IGF2R: variants seen among roughly 807,000 people sequenced by gnomAD.
IGF2R encodes insulin like growth factor 2 receptor.
IGF2R carries 91 observed loss-of-function variants against 270.6 expected under a neutral mutation model. That is an observed-to-expected ratio of 0.34 (90% CI 0.28 to 0.40). IGF2R has a LOEUF of 0.40. Among genes scored for constraint, IGF2R ranks in the 10% least tolerant of loss-of-function variants. The pLI is 1.00. For synonymous variants in IGF2R, 1,316 were observed against 1,258.9 expected, an observed-to-expected ratio of 1.05 and a Z score of -0.96; for missense variants, 2,805 against 3,188.3, an observed-to-expected ratio of 0.88 and a Z score of 2.90.
In IGF2R at chr6:160,089,962, C is replaced by T. The variant is rs745658177; in HGVS notation, c.6514C>T (p.Leu2172=). The change falls in exon 44 of 48, where the codon CTG becomes TTG. Residue 2172 remains leucine, a synonymous_variant. Coordinates refer to ENST00000356956, the MANE Select transcript of IGF2R (RefSeq NM_000876.4). ...GDMRTNGDNY[L]YEIQLSSITS... Reference sequence around the variant, plus strand: ...CATGAGGACCAATGGGGACAACTACCTGTATGAGATCCAACTTTCCTCCAT... The same window carrying T: ...CATGAGGACCAATGGGGACAACTACTTGTATGAGATCCAACTTTCCTCCAT... The T allele has an allele frequency of 6.2e-7, 1 of 1,607,362 alleles. No individual in the cohort carries two copies. Among genetic ancestry groups the T allele is most frequent in the Admixed American group, 1.7e-5 (1 of 58,760 alleles).
chr6:160,012,764 T>TATATATATATA (rs538085462), intron 4 of IGF2R, among the ~76,000 whole-genome samples: 16 of 60,424 alleles, frequency 2.6e-4, no homozygotes, highest in Non-Finnish European at 5.1e-4. Context: ...TATATATATA[T>TATATATATATA]TTTTTTTTTT....
chr6:160,039,442 G>T (rs1298973607), intron 10 of IGF2R, among the ~76,000 whole-genome samples: 1 of 152,202 alleles, frequency 6.6e-6, no homozygotes, highest in Non-Finnish European at 1.5e-5. Flanking sequence ...CTGTTCTTCT[G>T]CAGCTTGCCT....
rs8191859 is a variant in IGF2R at position 160,064,458 on chromosome 6, G to T, written c.3944G>T (p.Gly1315Val). Residue 1315 changes from glycine (G) to valine (V), a missense_variant, in exon 28 of 48, where the codon GGG (glycine) becomes GTG (valine). Gly to Val is a moderately radical substitution (Grantham distance 109). Transcript: ENST00000356956. ...ENGLLKMNFTGGDTCHKVYQR... is the reference protein window; with the variant it reads ...ENGLLKMNFTVGDTCHKVYQR... ...GGCTTGTTAAAAATGAACTTCACGG[G>T]GGGGGACACTTGCCATAAGGTTTAT... is the stretch of plus-strand genomic sequence containing the variant. 21 of 1,613,958 alleles carry T rather than the reference G, an allele frequency of 1.3e-5. No homozygotes were observed. Among genetic ancestry groups the T allele is most frequent in the South Asian group, 6.6e-5 (6 of 91,082 alleles).
intron 11 of IGF2R, among the ~76,000 whole-genome samples, chr6:160,042,563 G>A (rs565737240): frequency 6.6e-6 from 1 of 152,272 alleles, no homozygotes; most frequent in African/African-American, 2.4e-5. Flanking sequence ...CGTCCTGCAG[G>A]TGCCTAATCA....
chr6:160,050,433 C>A lies in IGF2R; in HGVS notation c.2515-40C>A, dbSNP rs1290732159. ...ACCACCAATAACGAATCGACTGTAT[C>A]TTCAGGGGGAAAAGCCTAACAAGAC... On this transcript the variant is annotated intron_variant, in intron 18 of 47. Transcript: ENST00000356956. The surrounding 1 kb of genome is among the most constrained non-coding windows in gnomAD (Gnocchi z 4.0). The A allele has an allele frequency of 1.9e-6, 3 of 1,576,276 alleles. No individual in the cohort carries two copies. In the South Asian group the frequency reaches 3.4e-5, roughly 18 times the overall value.
intron 1 of IGF2R, among the ~76,000 whole-genome samples, chr6:159,990,723 A>C (rs965862858): frequency 6.6e-6 from 1 of 151,902 alleles, no homozygotes; most frequent in Admixed American, 6.6e-5. Flanking sequence ...TCCGTCTCCC[A>C]GGTTGAAGCA....
At chr6:160,005,670 C>CT (rs1784210147) in intron 2 of IGF2R, 1 of 153,072 alleles carries the variant, frequency 6.5e-6, no homozygotes, top group East Asian at 1.9e-4. Context: ...AGGTTGGGGG[C>CT]TTGGCTTCTG....
intron 17 of IGF2R, 141 bp from the exon 18 acceptor site, chr6:160,048,234 C>A: frequency 1.2e-6 from 1 of 804,754 alleles, no homozygotes; most frequent in Non-Finnish European, 2.1e-6. Flanking sequence ...GCGTCATGCG[C>A]CCAGACAAGC....
intron 4 of IGF2R, among the ~76,000 whole-genome samples, chr6:160,020,742 A>G (rs1777413406): frequency 6.6e-6 from 1 of 152,222 alleles, no homozygotes; most frequent in Admixed American, 6.5e-5. Context: ...GGACAGCCAT[A>G]TGCGGAAGAA....
At position 160,102,103 on chromosome 6, in the gene IGF2R, C is replaced by G. The variant is rs966375988; in HGVS notation, c.6843-416C>G. ...ATGGTGTCTCATGGTGGGCTGCGCT[C>G]ACTGCTTCCAGAAGAAATTCTGAGA... is the stretch of plus-strand genomic sequence containing the variant. On this transcript the variant is annotated intron_variant, in intron 45 of 47. Coordinates refer to ENST00000356956, the MANE Select transcript of IGF2R (RefSeq NM_000876.4). This position sits in a 1 kb window ranked among gnomAD's most constrained non-coding sequence, Gnocchi z 4.5. Among the ~76,000 whole-genome samples the G allele has an allele frequency of 2.0e-5, 3 of 152,206 alleles. No individual in the cohort carries two copies. Among genetic ancestry groups the G allele is most frequent in the Non-Finnish European group, 4.4e-5 (3 of 68,034 alleles).
chr6:159,996,517 C>T (rs1421610943), intron 2 of IGF2R, among the ~76,000 whole-genome samples: 2 of 152,152 alleles, frequency 1.3e-5, no homozygotes, highest in African/African-American at 2.4e-5. Flanking sequence ...CAAGCACCAG[C>T]CCTAACAGGG....
intron 9 of IGF2R, among the ~76,000 whole-genome samples, chr6:160,033,592 A>C (rs898334774): frequency 1.3e-5 from 2 of 152,226 alleles, no homozygotes; most frequent in Admixed American, 6.5e-5. Flanking sequence ...TAAACAATCA[A>C]ATGTTTTTCC....
intron 7 of IGF2R, among the ~76,000 whole-genome samples, chr6:160,031,290 TATAG>T (rs1344877188): frequency 1.3e-5 from 2 of 152,352 alleles, no homozygotes; most frequent in East Asian, 3.9e-4. Context: ...CACCTTGTCA[TATAG>T]ATCATTTTAA....
intron 41 of IGF2R, among the ~76,000 whole-genome samples, chr6:160,086,999 G>A (rs951461160): frequency 1.3e-5 from 2 of 152,082 alleles, no homozygotes; most frequent in South Asian, 2.1e-4. Flanking sequence ...AGCCCCCTGC[G>A]CAGCCACAAG....
intron 27 of IGF2R, 36 bp from the exon 28 acceptor site, chr6:160,064,365 G>A (rs989389376): frequency 1.2e-5 from 19 of 1,613,842 alleles, no homozygotes; most frequent in Non-Finnish European, 1.5e-5. Context: ...CTAGGGACCC[G>A]AACCAAACCT....
At chr6:160,038,974 A>G (rs1006874181) in intron 10 of IGF2R, among the ~76,000 whole-genome samples, 1 of 152,244 alleles carries the variant, frequency 6.6e-6, no homozygotes. Flanking sequence ...AACCATAAGC[A>G]AATTATTTAG....
chr6:160,047,808 C>T lies in IGF2R; in HGVS notation c.2246C>T (p.Thr749Ile). 3.1e-6 allele frequency: 5 copies of T among 1,613,074 alleles called. No individual in the cohort carries two copies. Among genetic ancestry groups the T allele is most frequent in the Non-Finnish European group, 2.5e-6 (3 of 1,178,960 alleles). ...FPEYQEEDNS[T>I]YNFRWYTSYA... is the part of the protein sequence containing the mutation. ...GTGGATTAGGAAGAGGATAACTCCACCTACAACTTCCGGTGGTACACCAGC... is the reference window on the plus strand; with the variant it reads ...GTGGATTAGGAAGAGGATAACTCCATCTACAACTTCCGGTGGTACACCAGC... The change falls in exon 17 of 48, where the codon ACC (threonine) becomes ATC (isoleucine). Residue 749 changes from threonine to isoleucine, a missense_variant. Thr to Ile is a moderately conservative substitution (Grantham distance 89). Coordinates refer to ENST00000356956, the MANE Select transcript of IGF2R (RefSeq NM_000876.4).
chr6:159,997,405 A>G (rs1193662019), intron 2 of IGF2R, among the ~76,000 whole-genome samples: 1 of 152,098 alleles, frequency 6.6e-6, no homozygotes, highest in Non-Finnish European at 1.5e-5. Flanking sequence ...TGCTGCCGCC[A>G]CTGCCACCCA....
Position 160,060,752 on chromosome 6 carries a change from T to A in IGF2R, c.3262+35T>A, listed in dbSNP as rs1299629527. 5 of 1,608,022 alleles carry A rather than the reference T, an allele frequency of 3.1e-6. No homozygotes were observed. In the African/African-American group the frequency reaches 4.0e-5, roughly 13 times the overall value. Reference sequence around the variant, plus strand: ...TGCGGCCTAAGAACTGAGAGGCCGGTCAAGAGTCAGTGTGTGTGTGAGTGG... The same window carrying A: ...TGCGGCCTAAGAACTGAGAGGCCGGACAAGAGTCAGTGTGTGTGTGAGTGG... On this transcript the variant is annotated intron_variant, in intron 23 of 47. Transcript: ENST00000356956.
Sources: gnomAD v4.1 joint callset for allele counts (sites outside exome capture counted in the v4.1 genomes callset) on GRCh38, gnomAD v4.1.1 for gene constraint, Gnocchi (gnomAD v3.1) non-coding constraint, MANE v1.5 for transcripts, NCBI Gene and HGNC (gene_info 2026-07-23, HGNC 2026-07-21) for gene names.